Variants in GC observed in about 807,000 individuals in gnomAD.
GC encodes the protein vitamin D-binding protein.
Under a neutral mutation model 56.7 loss-of-function variants are expected in GC, and 43 were observed. The ratio of observed to expected loss-of-function variants is 0.76; its 90% confidence interval spans 0.59 to 0.98. The LOEUF (loss-of-function observed/expected upper bound fraction) is 0.98. GC is among the 50% of genes least tolerant of loss of function. GC has a pLI of 0.00. For synonymous variants in GC, 216 were observed against 202.7 expected, an observed-to-expected ratio of 1.07 and a Z score of -0.56; for missense variants, 529 against 545.9, an observed-to-expected ratio of 0.97 and a Z score of 0.31.
chr4:71,792,604 T>TG (rs1312904755), intron 1 of GC, among the ~76,000 whole-genome samples: 1 of 152,088 alleles, frequency 6.6e-6, no homozygotes, highest in Non-Finnish European at 1.5e-5. Context: ...TCTCCCATTC[T>TG]TAGGTTGTCT....
intron 1 of GC, among the ~76,000 whole-genome samples, chr4:71,795,631 T>G (rs1743080476): frequency 6.6e-6 from 1 of 152,250 alleles, no homozygotes; most frequent in African/African-American, 2.4e-5. Context: ...CTGTACCTTT[T>G]AATTGGGGCA....
chr4:71,764,606 A>G (rs1443059961), intron 4 of GC, among the ~76,000 whole-genome samples: 1 of 152,116 alleles, frequency 6.6e-6, no homozygotes, highest in African/African-American at 2.4e-5. Flanking sequence ...ATCTCAGTTT[A>G]TTACTTTAGA....
At chr4:71,770,668 G>C (rs926744474) in intron 1 of GC, among the ~76,000 whole-genome samples, 1 of 152,152 alleles carries the variant, frequency 6.6e-6, no homozygotes, top group Non-Finnish European at 1.5e-5. Context: ...GAGCGTAGGA[G>C]GAAGGAGGAA....
At chr4:71,744,117 A>G (rs112227196) in intron 12 of GC, among the ~76,000 whole-genome samples, 4 of 152,176 alleles carry the variant, frequency 2.6e-5, no homozygotes, top group African/African-American at 9.6e-5. Flanking sequence ...TCACTGACAA[A>G]CCAAGTTTAT....
intron 4 of GC, among the ~76,000 whole-genome samples, chr4:71,764,453 T>C (rs1337120263): frequency 2.0e-5 from 3 of 152,272 alleles, no homozygotes; most frequent in African/African-American, 7.2e-5. Flanking sequence ...TTCTATGTGG[T>C]TTGTGTGAGA....
At chr4:71,781,954 T>C (rs1295439969) in intron 1 of GC, among the ~76,000 whole-genome samples, 5 of 151,764 alleles carry the variant, frequency 3.3e-5, no homozygotes, top group Non-Finnish European at 5.9e-5. Flanking sequence ...ATAGACATTG[T>C]AGAAAAGGGT....
rs1578302523 is a variant in GC at position 71,769,436 on chromosome 4, C to T, written c.59-36G>A. The T allele has an allele frequency of 8.3e-6, 11 of 1,327,930 alleles. No homozygotes were observed. In the East Asian group the frequency reaches 1.8e-4, roughly 22 times the overall value. The allele number at this position is 1,327,930 out of a possible 1,614,324, so 82.3% of individuals were successfully genotyped here. On this transcript the variant is annotated intron_variant, in intron 1 of 12. Coordinates refer to ENST00000273951, the MANE Select transcript of GC (RefSeq NM_000583.4). ...GAAATAGAAAAATTTGTATGTGTCCCCTTTTGATGAATATTATGTTACATG... is the reference window on the plus strand; with the variant it reads ...GAAATAGAAAAATTTGTATGTGTCCTCTTTTGATGAATATTATGTTACATG...
intron 12 of GC, among the ~76,000 whole-genome samples, chr4:71,743,858 A>T (rs527460593): frequency 6.6e-6 from 1 of 152,340 alleles, no homozygotes; most frequent in South Asian, 2.1e-4. Context: ...ACCAAAATCC[A>T]TGGAAGGGAT....
chr4:71,791,429 G>C (rs970240859), intron 1 of GC, among the ~76,000 whole-genome samples: 87 of 151,926 alleles, frequency 5.7e-4, no homozygotes, highest in African/African-American at 1.9e-3. Flanking sequence ...ATTATCCTCA[G>C]ATATGCACTG....
At chr4:71,748,047 A>G (rs746697296) in intron 11 of GC, among the ~76,000 whole-genome samples, 1 of 152,204 alleles carries the variant, frequency 6.6e-6, no homozygotes, top group Non-Finnish European at 1.5e-5. Flanking sequence ...GGAGAGTAAC[A>G]GACTAATACA....
rs1233087615 is a variant in GC at position 71,758,181 on chromosome 4, T to C, written c.702-10A>G. ...TAACTTTATGAGATTGCTAAACAGTTAAAAATAAATATGTTAGCTTATCAA... is the reference window on the plus strand; with the variant it reads ...TAACTTTATGAGATTGCTAAACAGTCAAAAATAAATATGTTAGCTTATCAA... On this transcript the variant is annotated splice_polypyrimidine_tract_variant and intron_variant, in intron 6 of 12. Transcript: ENST00000273951. 1 of 1,607,206 alleles carries C rather than the reference T, an allele frequency of 6.2e-7. No homozygotes were observed. Among genetic ancestry groups the C allele is most frequent in the East Asian group, 2.2e-5 (1 of 44,826 alleles).
intron 1 of GC, among the ~76,000 whole-genome samples, chr4:71,796,020 A>T (rs2149310150): frequency 1.3e-5 from 2 of 152,326 alleles, no homozygotes; most frequent in Middle Eastern, 6.8e-3. Flanking sequence ...TTCTGCTGAG[A>T]GATCCGCTGT....
chr4:71,797,682 G>C (rs1426389575), intron 1 of GC, among the ~76,000 whole-genome samples: 5 of 152,230 alleles, frequency 3.3e-5, no homozygotes, highest in Admixed American at 1.3e-4. Context: ...AGCACCCACT[G>C]TCCAACCAGT....
intron 4 of GC, 21 bp downstream of exon 4, chr4:71,765,411 A>G (rs138167308): frequency 6.3e-6 from 10 of 1,586,414 alleles, no homozygotes; most frequent in Non-Finnish European, 7.8e-6. Context: ...CTAAAGTTCT[A>G]TTTATGATGA....
At chr4:71,768,733 G>A (rs1742254245) in intron 2 of GC, among the ~76,000 whole-genome samples, 1 of 152,180 alleles carries the variant, frequency 6.6e-6, no homozygotes, top group Admixed American at 6.5e-5. Context: ...CAAAGGGCTG[G>A]GATTACAGGC....
chr4:71,746,337 A>G, intron 11 of GC, 132 bp from the exon 12 acceptor site: 1 of 536,698 alleles, frequency 1.9e-6, no homozygotes, highest in Non-Finnish European at 3.4e-6. Context: ...GCAATGTTAC[A>G]TTGCAGTTTT....
intron 1 of GC, among the ~76,000 whole-genome samples, chr4:71,802,899 C>T (rs10024600): frequency 0.74 from 112,092 of 152,054 alleles, 42,618 homozygotes; most frequent in South Asian, 0.86. Context: ...TGAGTTTAAT[C>T]CAGCCACAAC....
chr4:71,769,401 C>T lies in GC; in HGVS notation c.59-1G>A, dbSNP rs186749426. The T allele has an allele frequency of 1.2e-6, 2 of 1,610,040 alleles. No homozygotes were observed. Among genetic ancestry groups the T allele is most frequent in the Non-Finnish European group, 1.7e-6 (2 of 1,176,742 alleles). ...ACTTTATTCTTTTCATAATCCCGGCCTAGGAGGCAGAAATAGAAAAATTTG... is the reference window on the plus strand; with the variant it reads ...ACTTTATTCTTTTCATAATCCCGGCTTAGGAGGCAGAAATAGAAAAATTTG... On this transcript the variant is annotated splice_acceptor_variant, in intron 1 of 12. Coordinates refer to ENST00000273951, the MANE Select transcript of GC (RefSeq NM_000583.4). LOFTEE classifies it high-confidence loss of function.
At chr4:71,752,703 A>T in intron 10 of GC, 53 bp from the exon 11 acceptor site, 1 of 1,451,540 alleles carries the variant, frequency 6.9e-7, no homozygotes, top group Non-Finnish European at 9.5e-7. Flanking sequence ...TTTTATACAA[A>T]TTTCTAATGC....
Sources: allele counts gnomAD v4.1 joint callset (sites outside exome capture counted in the v4.1 genomes callset), GRCh38; gene constraint gnomAD v4.1.1; transcripts MANE v1.5; gene names NCBI Gene and HGNC (gene_info 2026-07-23, HGNC 2026-07-21).